PRKCB: variants seen among roughly 807,000 people sequenced by gnomAD.
The protein encoded by PRKCB is protein kinase C beta.
Under a neutral mutation model 81.5 loss-of-function variants are expected in PRKCB, and 13 were observed. The ratio of observed to expected loss-of-function variants is 0.16; its 90% confidence interval spans 0.10 to 0.25. The LOEUF is 0.25. Among genes scored for constraint, PRKCB ranks in the 10% least tolerant of loss-of-function variants. PRKCB has a pLI of 1.00. For missense variants in PRKCB, 509 were observed against 875.7 expected (o/e 0.58, Z 5.29); for synonymous variants, 335 against 321.4 (o/e 1.04, Z -0.45).
In PRKCB at chr16:24,214,779, T is replaced by A; in HGVS notation, c.1985T>A (p.Val662Asp). ...TCAGAATTCGAAGGATTTTCCTTTG[T>A]TAACTCTGAATTTTTAAAACCCGAA... Reference protein sequence around the residue: ...DQSEFEGFSFVNSEFLKPEVK... With the variant: ...DQSEFEGFSFDNSEFLKPEVK... Residue 662 changes from valine (V) to aspartate (D), a missense_variant, in exon 17 of 17, where the codon GTT (valine) becomes GAT (aspartate). This residue lies in a region of PRKCB where 104 missense variants were observed against 160.5 expected (regional missense o/e 0.65). Coordinates refer to ENST00000643927, the MANE Select transcript of PRKCB (RefSeq NM_002738.7). 1 of 1,614,168 alleles carries A rather than the reference T, an allele frequency of 6.2e-7. No individual in the cohort carries two copies. The highest frequency in any genetic ancestry group is 8.5e-7 in the Non-Finnish European group (1 of 1,179,990).
intron 2 of PRKCB, among the ~76,000 whole-genome samples, chr16:23,877,456 G>T (rs1294319960): frequency 6.6e-6 from 1 of 152,164 alleles, no homozygotes; most frequent in East Asian, 1.9e-4. Context: ...TCTCTGACTT[G>T]TTGACCCCTC....
chr16:23,931,547 A>G (rs892853775), intron 2 of PRKCB, among the ~76,000 whole-genome samples: 28 of 152,140 alleles, frequency 1.8e-4, no homozygotes, highest in African/African-American at 6.8e-4. Context: ...AAGAGACCTG[A>G]GCAGGTGCCA....
At chr16:23,912,840 T>TTTTATTTATTTATTTA (rs59682849) in intron 2 of PRKCB, among the ~76,000 whole-genome samples, 1 of 148,024 alleles carries the variant, frequency 6.8e-6, no homozygotes, top group African/African-American at 2.5e-5. Flanking sequence ...TTATTTATTT[T>TTTTATTTATTTATTTA]TTGATATGGA....
intron 3 of PRKCB, among the ~76,000 whole-genome samples, chr16:24,023,688 C>T (rs1407671874): frequency 1.3e-5 from 2 of 152,178 alleles, no homozygotes; most frequent in African/African-American, 4.8e-5. Flanking sequence ...GATATTTAAC[C>T]TGCATGCCCT....
chr16:23,969,592 T>A (rs1263224776), intron 2 of PRKCB, among the ~76,000 whole-genome samples: 1 of 152,208 alleles, frequency 6.6e-6, no homozygotes, highest in African/African-American at 2.4e-5. Context: ...AATGAGTTAA[T>A]CTACGTAAAG....
chr16:24,064,778 C>A (rs1286454098), intron 5 of PRKCB, among the ~76,000 whole-genome samples: 1 of 151,690 alleles, frequency 6.6e-6, no homozygotes, highest in Non-Finnish European at 1.5e-5. Context: ...ATTGATATCT[C>A]CTCGGTGAAT....
chr16:23,856,791 C>T (rs1190511296), intron 2 of PRKCB, among the ~76,000 whole-genome samples: 1 of 152,194 alleles, frequency 6.6e-6, no homozygotes, highest in East Asian at 1.9e-4. Flanking sequence ...TCCCAAAGTA[C>T]TGGGATTATA....
intron 2 of PRKCB, among the ~76,000 whole-genome samples, chr16:23,849,187 C>T (rs1962429589): frequency 6.6e-6 from 1 of 152,248 alleles, no homozygotes. Flanking sequence ...GCTGACCTCA[C>T]TTCAAAAATG....
intron 3 of PRKCB, among the ~76,000 whole-genome samples, chr16:24,008,851 C>T (rs1596509118): frequency 6.6e-6 from 1 of 152,178 alleles, no homozygotes; most frequent in African/African-American, 2.4e-5. Context: ...AGTAATTCCC[C>T]ATTTTGCCCT....
At position 24,215,202 on chromosome 16, in the gene PRKCB, C is replaced by T. The variant is rs148546127; in HGVS notation, c.*386C>T. 881 of 1,009,510 alleles carry T rather than the reference C, an allele frequency of 8.7e-4. 5 individuals carry two copies. The African/African-American group carries it at 0.014, about 16-fold the overall frequency. 62.5% of individuals were successfully genotyped at this position (1,009,510 alleles called of 1,614,324 possible). On this transcript the variant is annotated 3_prime_UTR_variant, in exon 17 of 17. Coordinates refer to ENST00000643927, the MANE Select transcript of PRKCB (RefSeq NM_002738.7). Reference sequence around the variant, plus strand: ...ATTGGATGTTAGCGGTACTCTTCCACTTCCGGGCCTGGAGCTTGGCTTGTA... The same window carrying T: ...ATTGGATGTTAGCGGTACTCTTCCATTTCCGGGCCTGGAGCTTGGCTTGTA...
chr16:24,093,086 C>T, intron 6 of PRKCB, 139 bp downstream of exon 6: 1 of 922,264 alleles, frequency 1.1e-6, no homozygotes, highest in Non-Finnish European at 1.6e-6. Context: ...CCATCCCTCA[C>T]TCCTATCTTT....
At chr16:23,950,241 A>C (rs1421793102) in intron 2 of PRKCB, among the ~76,000 whole-genome samples, 1 of 144,006 alleles carries the variant, frequency 6.9e-6, no homozygotes, top group Non-Finnish European at 1.5e-5. Context: ...GAAGTAACCT[A>C]GGTTCCAGAC....
At chr16:24,021,090 T>TCTTTCTTC (rs1313532829) in intron 3 of PRKCB, among the ~76,000 whole-genome samples, 1 of 134,444 alleles carries the variant, frequency 7.4e-6, no homozygotes, top group South Asian at 2.4e-4. Context: ...TTTCTTTCTT[T>TCTTTCTTC]TTTTCTTTCT....
intron 9 of PRKCB, among the ~76,000 whole-genome samples, chr16:24,130,838 C>T (rs986979981): frequency 7.9e-5 from 12 of 152,310 alleles, no homozygotes; most frequent in Non-Finnish European, 1.0e-4. Context: ...AATATAGCCA[C>T]GTGGCCACAC....
At chr16:24,170,822 G>A (rs1353079999) in intron 10 of PRKCB, among the ~76,000 whole-genome samples, 2 of 152,188 alleles carry the variant, frequency 1.3e-5, no homozygotes, top group African/African-American at 4.8e-5. Flanking sequence ...CCCTCTCTGG[G>A]CACCTGCTAT....
intron 2 of PRKCB, among the ~76,000 whole-genome samples, chr16:23,922,014 A>G (rs1039732302): frequency 1.3e-5 from 2 of 152,166 alleles, no homozygotes; most frequent in Non-Finnish European, 2.9e-5. Context: ...GCTTGAAGGC[A>G]TGGAAGTTCA....
intron 15 of PRKCB, among the ~76,000 whole-genome samples, chr16:24,187,718 G>A (rs907886621): frequency 1.3e-5 from 2 of 151,958 alleles, no homozygotes; most frequent in East Asian, 1.9e-4. Flanking sequence ...TCGCTCTGTC[G>A]CCCAGGCTAG....
intron 2 of PRKCB, among the ~76,000 whole-genome samples, chr16:23,944,379 T>C (rs1228794977): frequency 6.6e-6 from 1 of 152,220 alleles, no homozygotes; most frequent in African/African-American, 2.4e-5. Flanking sequence ...ATTTAGAAAA[T>C]TAACTTGTTA....
At chr16:24,061,477 G>A (rs1416008552) in intron 5 of PRKCB, among the ~76,000 whole-genome samples, 1 of 152,170 alleles carries the variant, frequency 6.6e-6, no homozygotes, top group African/African-American at 2.4e-5. Context: ...GCCTTCCTGT[G>A]GGAGTGTGAG....
Sources: allele counts gnomAD v4.1 joint callset (sites outside exome capture counted in the v4.1 genomes callset), GRCh38; gene constraint gnomAD v4.1.1; regional missense constraint gnomAD v4.1.1; transcripts MANE v1.5; gene names NCBI Gene and HGNC (gene_info 2026-07-23, HGNC 2026-07-21).